Variants in MAP3K20 observed in about 807,000 individuals in gnomAD.
MAP3K20 encodes mitogen-activated protein kinase kinase kinase 20.
In MAP3K20, 40 loss-of-function variants were observed where a neutral mutation model predicts 85.7. The ratio of observed to expected loss-of-function variants is 0.47; its 90% CI spans 0.36 to 0.61. The LOEUF (loss-of-function observed/expected upper bound fraction) is 0.61, where lower values mean the gene tolerates loss of function less well. Among genes scored for constraint, MAP3K20 ranks in the 20% least tolerant of loss-of-function variants. The probability of loss-of-function intolerance (pLI) is 0.00; values close to 1 mark genes in which losing one functional copy is unlikely to be tolerated. For missense variants in MAP3K20, 817 were observed against 961.7 expected (o/e 0.85, Z 1.99); for synonymous variants, 325 against 327.7 (o/e 0.99, Z 0.09).
intron 2 of MAP3K20, among the ~76,000 whole-genome samples, chr2:173,101,327 A>G (rs541280926): frequency 2.6e-5 from 4 of 152,282 alleles, no homozygotes; most frequent in Admixed American, 2.6e-4. Flanking sequence ...AATCCTTTCA[A>G]AGCTTTGTTA....
chr2:173,264,471 C>A (rs929133244), intron 19 of MAP3K20, among the ~76,000 whole-genome samples: 4 of 152,188 alleles, frequency 2.6e-5, no homozygotes, highest in Non-Finnish European at 4.4e-5. Context: ...GGTTAGGTCC[C>A]TACCTGTTCT....
rs3835094 is a variant in MAP3K20 at position 173,266,783 on chromosome 2, T to TAAAAAAAAA, written c.*42_*50dup. 2.9e-6 allele frequency: 3 copies of TAAAAAAAAA among 1,031,246 alleles called. No homozygotes were observed. The highest frequency in any genetic ancestry group is 1.3e-6 in the Non-Finnish European group (1 of 780,344). The allele number at this position is 1,031,246 out of a possible 1,614,324, so 63.9% of individuals were successfully genotyped here. On this transcript the variant is annotated 3_prime_UTR_variant, in exon 20 of 20. Coordinates refer to ENST00000375213, the MANE Select transcript of MAP3K20 (RefSeq NM_016653.3). ...AACTACATAGCTTTTCTAAGCAGGT[T>TAAAAAAAAA]AAAAAAAAAAAAAAAAAGAAATGTA...
At chr2:173,128,377 G>C (rs150556440) in intron 2 of MAP3K20, among the ~76,000 whole-genome samples, 4,925 of 151,834 alleles carry the variant, frequency 0.032, 284 homozygotes, top group African/African-American at 0.11. Flanking sequence ...CTGTTGCTCA[G>C]GCTGGAGTTC....
intron 18 of MAP3K20, among the ~76,000 whole-genome samples, chr2:173,262,395 T>C (rs1257242531): frequency 6.6e-6 from 1 of 151,592 alleles, no homozygotes; most frequent in Non-Finnish European, 1.5e-5. Context: ...AGGTCAGGAG[T>C]TCGAGACTAG....
intron 2 of MAP3K20, among the ~76,000 whole-genome samples, chr2:173,152,315 A>G (rs1359349035): frequency 6.6e-6 from 1 of 152,236 alleles, no homozygotes; most frequent in Non-Finnish European, 1.5e-5. Context: ...GCTGATAAGC[A>G]GTATTCAGAA....
At chr2:173,205,102 C>CA (rs1191556180) in intron 9 of MAP3K20, among the ~76,000 whole-genome samples, 35 of 53,998 alleles carry the variant, frequency 6.5e-4, no homozygotes, top group South Asian at 1.9e-3. Flanking sequence ...GACTCTGTCT[C>CA]AAAAAAAAAA....
intron 1 of MAP3K20, among the ~76,000 whole-genome samples, chr2:173,079,564 A>C (rs979851064): frequency 7.2e-5 from 11 of 152,192 alleles, no homozygotes; most frequent in Non-Finnish European, 1.5e-4. Context: ...TTGAAATAAC[A>C]CTTAGCTTAA....
chr2:173,175,832 T>A (rs543187398), intron 3 of MAP3K20, among the ~76,000 whole-genome samples: 1 of 152,300 alleles, frequency 6.6e-6, no homozygotes, highest in East Asian at 1.9e-4. Flanking sequence ...AAGAGTAGAC[T>A]GAGAGAATCT....
chr2:173,118,200 T>A (rs1445186622), intron 2 of MAP3K20, among the ~76,000 whole-genome samples: 8 of 152,350 alleles, frequency 5.3e-5, no homozygotes, highest in East Asian at 3.9e-4. Flanking sequence ...CACGTTAGGT[T>A]ATTTTCTTAG....
chr2:173,174,667 A>ATG (rs1002279889), intron 3 of MAP3K20, among the ~76,000 whole-genome samples: 2 of 151,982 alleles, frequency 1.3e-5, no homozygotes, highest in Admixed American at 6.6e-5. Flanking sequence ...CAATAAACAT[A>ATG]TGTGTGTGTG....
Position 173,221,491 on chromosome 2 carries a change from C to T in MAP3K20, c.987+4241C>T, listed in dbSNP as rs371148135. 1.0e-4 allele frequency: 165 copies of T among 1,601,556 alleles called. No individual in the cohort carries two copies. The African/African-American group carries it at 1.1e-3, about 10-fold the overall frequency. ...AAGGTGACGATGATGATGATGATGA[C>T]GGTGAGGAGGAGGATAATGACATGG... On this transcript the variant is annotated intron_variant, in intron 11 of 19. Transcript: ENST00000375213.
At chr2:173,184,830 G>A (rs1045217477) in intron 4 of MAP3K20, among the ~76,000 whole-genome samples, 4 of 151,260 alleles carry the variant, frequency 2.6e-5, no homozygotes, top group African/African-American at 7.3e-5. Context: ...CAAGAGAATC[G>A]CTCAAACCCC....
At chr2:173,142,791 G>C (rs1689015503) in intron 2 of MAP3K20, among the ~76,000 whole-genome samples, 1 of 152,110 alleles carries the variant, frequency 6.6e-6, no homozygotes, top group African/African-American at 2.4e-5. Context: ...CTTAAGCCCA[G>C]TAATATACAT....
intron 16 of MAP3K20, 150 bp downstream of exon 16, chr2:173,239,646 G>A: frequency 1.3e-6 from 1 of 763,834 alleles, no homozygotes; most frequent in Non-Finnish European, 2.0e-6. Flanking sequence ...TTAGCTGAAA[G>A]GCTGCCAGCT....
Position 173,205,117 on chromosome 2 carries a change from A to AAT in MAP3K20, c.744+1248_744+1249insTA, listed in dbSNP as rs1553581830. Among the ~76,000 whole-genome samples, 62 of 146,400 alleles carry AAT rather than the reference A, an allele frequency of 4.2e-4. 1 individual carries two copies. The highest frequency in any genetic ancestry group is 1.3e-3 in the South Asian group (6 of 4,590). On this transcript the variant is annotated intron_variant, in intron 9 of 19. Transcript: ENST00000375213. ...GACTCTGTCTCAAAAAAAAAAAAAA[A>AAT]AAAAATAAATAAATAAAATAAAACA...
intron 2 of MAP3K20, among the ~76,000 whole-genome samples, chr2:173,164,192 T>A (rs1323369044): frequency 2.0e-5 from 3 of 152,148 alleles, no homozygotes; most frequent in African/African-American, 4.8e-5. Flanking sequence ...ACTCCTGCCC[T>A]TGTGATCTGC....
intron 3 of MAP3K20, among the ~76,000 whole-genome samples, chr2:173,175,544 C>G (rs1690127959): frequency 6.6e-6 from 1 of 152,108 alleles, no homozygotes; most frequent in Admixed American, 6.6e-5. Context: ...CTTGCTTATT[C>G]TATTAAACCT....
chr2:173,225,906 A>AT, intron 11 of MAP3K20: 1 of 959,120 alleles, frequency 1.0e-6, no homozygotes. Context: ...TGATTCCACA[A>AT]TTAAAAAAAA....
intron 19 of MAP3K20, among the ~76,000 whole-genome samples, chr2:173,265,213 AG>A (rs983831010): frequency 1.6e-4 from 25 of 152,230 alleles, no homozygotes; most frequent in African/African-American, 5.5e-4. Context: ...CTGCGTGAGC[AG>A]GGGGTGGAGT....
Sources: allele counts gnomAD v4.1 joint callset (sites outside exome capture counted in the v4.1 genomes callset), GRCh38; gene constraint gnomAD v4.1.1; transcripts MANE v1.5; gene names NCBI Gene and HGNC (gene_info 2026-07-23, HGNC 2026-07-21).